The following APBA2 variants were observed in gnomAD, a reference collection of about 807,000 sequenced individuals.
APBA2 encodes amyloid beta precursor protein binding family A member 2, also known as amyloid-beta A4 precursor protein-binding family A member 2.
A neutral mutation model predicts 75.0 loss-of-function variants in APBA2; 30 were observed. That is an observed-to-expected ratio of 0.40 (90% CI 0.30 to 0.54). The LOEUF is 0.54. Among genes scored for constraint, APBA2 ranks in the 20% least tolerant of loss-of-function variants. APBA2 has a pLI of 0.49. For synonymous variants in APBA2, 444 were observed against 409.6 expected, an observed-to-expected ratio of 1.08 and a Z score of -1.01; for missense variants, 801 against 1,016.1, an observed-to-expected ratio of 0.79 and a Z score of 2.88.
chr15:28,979,693 G>A (rs914802955), intron 2 of APBA2, among the ~76,000 whole-genome samples: 4 of 152,208 alleles, frequency 2.6e-5, no homozygotes, highest in Non-Finnish European at 5.9e-5. Flanking sequence ...GGCGGAGCGT[G>A]CAGTCTCTTG....
intron 3 of APBA2, among the ~76,000 whole-genome samples, chr15:29,053,579 T>C: frequency 6.6e-6 from 1 of 152,132 alleles, no homozygotes; most frequent in East Asian, 1.9e-4. Context: ...GGTAGGTTCC[T>C]GGGGAGAGGC....
At chr15:28,934,995 G>A (rs1215165593) in intron 2 of APBA2, among the ~76,000 whole-genome samples, 3 of 152,320 alleles carry the variant, frequency 2.0e-5, no homozygotes, top group South Asian at 2.1e-4. Flanking sequence ...TGCTCCCATG[G>A]CATGGTGACT....
chr15:28,993,856 A>G (rs981347639), intron 2 of APBA2, among the ~76,000 whole-genome samples: 1 of 152,142 alleles, frequency 6.6e-6, no homozygotes, highest in African/African-American at 2.4e-5. Flanking sequence ...GCCAGGAGCA[A>G]GTGGGAAAAG....
intron 6 of APBA2, among the ~76,000 whole-genome samples, chr15:29,079,320 T>C (rs904312003): frequency 2.8e-4 from 43 of 152,108 alleles, no homozygotes; most frequent in Admixed American, 8.5e-4. Context: ...GGGTGCAGTG[T>C]GGACTCCCAT....
At chr15:29,014,674 G>A (rs931439791) in intron 3 of APBA2, among the ~76,000 whole-genome samples, 4 of 148,948 alleles carry the variant, frequency 2.7e-5, no homozygotes, top group South Asian at 2.2e-4. Context: ...GAGCTCACCC[G>A]TCTGCAGATT....
chr15:29,086,887 T>G (rs945693875), intron 6 of APBA2, among the ~76,000 whole-genome samples: 2 of 152,270 alleles, frequency 1.3e-5, no homozygotes, highest in African/African-American at 4.8e-5. Flanking sequence ...ACAGGATGTA[T>G]GCAAAGAGGT....
At chr15:29,058,012 C>G (rs563184013) in intron 4 of APBA2, among the ~76,000 whole-genome samples, 1 of 152,128 alleles carries the variant, frequency 6.6e-6, no homozygotes, top group African/African-American at 2.4e-5. Flanking sequence ...CTTCCTGTTG[C>G]GTATGTCCTC....
At chr15:28,924,077 C>T (rs1305553003) in intron 2 of APBA2, among the ~76,000 whole-genome samples, 1 of 152,192 alleles carries the variant, frequency 6.6e-6, no homozygotes, top group East Asian at 1.9e-4. Flanking sequence ...CCCCGTTGCC[C>T]TGCTGTGACA....
In APBA2 at chr15:29,099,850, C is replaced by G. The variant is rs534630189; in HGVS notation, c.1338+1274C>G. On this transcript the variant is annotated intron_variant, in intron 9 of 14. Coordinates refer to ENST00000683413, the MANE Select transcript of APBA2 (RefSeq NM_001353788.2). The stretch of plus-strand genomic sequence containing the variant: ...AACAAGTTCCTGAACATCTCTGAAC[C>G]TCCTAATACCCACAGCCCCAGCTGA... Among the ~76,000 whole-genome samples the G allele has an allele frequency of 5.3e-5, 8 of 152,342 alleles. No homozygotes were observed. In the East Asian group the frequency reaches 1.5e-3, roughly 29 times the overall value.
At chr15:29,064,417 A>T (rs1393015426) in intron 4 of APBA2, among the ~76,000 whole-genome samples, 1 of 152,176 alleles carries the variant, frequency 6.6e-6, no homozygotes, top group Non-Finnish European at 1.5e-5. Context: ...AAGTGGCATT[A>T]TCCTGCATTT....
chr15:29,055,228 T>A (rs2041829017), intron 4 of APBA2, among the ~76,000 whole-genome samples: 1 of 152,078 alleles, frequency 6.6e-6, no homozygotes, highest in African/African-American at 2.4e-5. Flanking sequence ...GGCAAAGACG[T>A]GGGGGTGCTG....
At chr15:28,956,581 G>A (rs1441505409) in intron 2 of APBA2, among the ~76,000 whole-genome samples, 1 of 152,104 alleles carries the variant, frequency 6.6e-6, no homozygotes, top group Non-Finnish European at 1.5e-5. Context: ...CATAACATAG[G>A]ATTCACCTTC....
chr15:28,928,277 A>T (rs1389856522), intron 2 of APBA2, among the ~76,000 whole-genome samples: 1 of 152,148 alleles, frequency 6.6e-6, no homozygotes, highest in Non-Finnish European at 1.5e-5. Flanking sequence ...TTTTCTGTTA[A>T]TCTGGCTATG....
chr15:28,892,241 AT>A (rs2032179876), intron 1 of APBA2, among the ~76,000 whole-genome samples: 1 of 151,972 alleles, frequency 6.6e-6, no homozygotes, highest in South Asian at 2.1e-4. Flanking sequence ...CGCCTGGTTA[AT>A]TTTTTTGGAT....
intron 3 of APBA2, among the ~76,000 whole-genome samples, chr15:29,050,546 A>G (rs1004559519): frequency 1.3e-5 from 2 of 152,200 alleles, no homozygotes; most frequent in African/African-American, 4.8e-5. Context: ...AGCTAATAGG[A>G]AACACCAGTG....
At chr15:28,945,472 T>C (rs1249846830) in intron 2 of APBA2, among the ~76,000 whole-genome samples, 1 of 152,032 alleles carries the variant, frequency 6.6e-6, no homozygotes. Flanking sequence ...TTTGTGTGTT[T>C]AGGGTTATTG....
chr15:29,016,985 A>G (rs1280724431), intron 3 of APBA2, among the ~76,000 whole-genome samples: 1 of 152,202 alleles, frequency 6.6e-6, no homozygotes, highest in African/African-American at 2.4e-5. Flanking sequence ...GATCAAAATA[A>G]CTGTGTAAGT....
intron 2 of APBA2, among the ~76,000 whole-genome samples, chr15:28,925,952 C>T (rs2034238304): frequency 1.3e-5 from 2 of 152,068 alleles, no homozygotes; most frequent in African/African-American, 4.8e-5. Flanking sequence ...TGATAATTTT[C>T]CTTGGTTGGT....
chr15:28,960,921 G>A (rs1340921056), intron 2 of APBA2, among the ~76,000 whole-genome samples: 3 of 151,694 alleles, frequency 2.0e-5, no homozygotes, highest in Non-Finnish European at 4.4e-5. Flanking sequence ...CACCATGCCT[G>A]GCTAATTTTG....
Sources: allele counts gnomAD v4.1 joint callset (sites outside exome capture counted in the v4.1 genomes callset), GRCh38; gene constraint gnomAD v4.1.1; transcripts MANE v1.5; gene names NCBI Gene and HGNC (gene_info 2026-07-23, HGNC 2026-07-21).